The following NRG2 variants were observed in gnomAD, a reference collection of about 807,000 sequenced individuals.
NRG2 encodes neuregulin 2, also known as pro-neuregulin-2, membrane-bound isoform.
Under a neutral mutation model 73.9 loss-of-function variants are expected in NRG2, and 27 were observed. The ratio of observed to expected loss-of-function variants is 0.37; its 90% CI spans 0.27 to 0.50. The LOEUF is 0.50. Ranked by LOEUF, NRG2 falls within the 20% of genes least tolerant of loss-of-function variation. The pLI, the probability that NRG2 is intolerant of heterozygous loss-of-function variation, is 0.96. For synonymous variants in NRG2, 532 were observed against 541.0 expected, an observed-to-expected ratio of 0.98 and a Z score of 0.23; for missense variants, 1,126 against 1,210.1, an observed-to-expected ratio of 0.93 and a Z score of 1.03.
Position 139,880,944 on chromosome 5 carries a change from C to T in NRG2, c.903G>A (p.Val301=), listed in dbSNP as rs1355586676. ...CATACTCCCCAGCGTCCTCCACCTTCACCTTGTTGAACTGTAGTCGTGAGT... is the reference window on the plus strand; with the variant it reads ...CATACTCCCCAGCGTCCTCCACCTTTACCTTGTTGAACTGTAGTCGTGAGT... The part of the protein sequence containing the change: ...RKNSRLQFNK[V]KVEDAGEYVC... Residue 301 remains valine (V), a synonymous_variant, in exon 3 of 10, where the codon GTG becomes GTA. Coordinates refer to ENST00000361474, the MANE Select transcript of NRG2 (RefSeq NM_004883.3). The T allele has an allele frequency of 9.3e-6, 15 of 1,614,094 alleles. No individual in the cohort carries two copies. The highest frequency in any genetic ancestry group is 1.3e-5 in the Non-Finnish European group (15 of 1,180,022).
intron 2 of NRG2, among the ~76,000 whole-genome samples, chr5:139,886,446 G>A (rs1763878743): frequency 6.6e-6 from 1 of 152,212 alleles, no homozygotes; most frequent in African/African-American, 2.4e-5. Context: ...TGGTGGGGCG[G>A]TGAGGAGGAA....
chr5:140,030,942 C>G (rs1461269897), intron 1 of NRG2, among the ~76,000 whole-genome samples: 2 of 152,090 alleles, frequency 1.3e-5, no homozygotes, highest in Non-Finnish European at 1.5e-5. Context: ...AGAAAGGATT[C>G]CTTTTGAAAA....
rs913362511 is a variant in NRG2 at position 139,904,074 on chromosome 5, C to T, written c.701-16563G>A. On this transcript the variant is annotated intron_variant, in intron 1 of 9. Transcript: ENST00000361474. This position sits in a 1 kb window ranked among gnomAD's most constrained non-coding sequence, Gnocchi z 6.0. The stretch of plus-strand genomic sequence containing the variant: ...CCTCTTGCCCGCCCCTGCGTGGGGA[C>T]GCGGCCGCCCGGGGAGAGGCGCGCA... Among the ~76,000 whole-genome samples, 6 of 152,272 alleles carry T rather than the reference C, an allele frequency of 3.9e-5. No individual in the cohort carries two copies. Among genetic ancestry groups the T allele is most frequent in the Admixed American group, 2.0e-4 (3 of 15,308 alleles).
At chr5:140,009,702 C>T (rs1759200131) in intron 1 of NRG2, among the ~76,000 whole-genome samples, 1 of 152,114 alleles carries the variant, frequency 6.6e-6, no homozygotes, top group Non-Finnish European at 1.5e-5. Flanking sequence ...TTGGAAGTAA[C>T]CAAGATGTCC....
intron 1 of NRG2, among the ~76,000 whole-genome samples, chr5:139,960,298 T>C (rs1380024838): frequency 6.6e-6 from 1 of 152,306 alleles, no homozygotes; most frequent in East Asian, 1.9e-4. Flanking sequence ...GCAGGTCACC[T>C]GAGGTCGGGA....
intron 1 of NRG2, among the ~76,000 whole-genome samples, chr5:139,931,779 G>C (rs1342915585): frequency 7.9e-5 from 12 of 152,156 alleles, no homozygotes; most frequent in African/African-American, 2.9e-4. Context: ...GCTCAACTGA[G>C]GATTTAAGAT....
At chr5:139,882,880 C>T (rs976612930) in intron 2 of NRG2, among the ~76,000 whole-genome samples, 2 of 152,092 alleles carry the variant, frequency 1.3e-5, no homozygotes, top group African/African-American at 2.4e-5. Flanking sequence ...GCACAGGTCT[C>T]TAGGAGTGCC....
At position 139,881,742 on chromosome 5, in the gene NRG2, G is replaced by A. The variant is rs548024129; in HGVS notation, c.873-768C>T. On this transcript the variant is annotated intron_variant, in intron 2 of 9. Coordinates refer to ENST00000361474, the MANE Select transcript of NRG2 (RefSeq NM_004883.3). ...CAAAGGCAGAGGTATGCCAGGAGCT[G>A]CAGTTCATGAGGACGTGGGCTATCT... Among the ~76,000 whole-genome samples, 75 of 152,340 alleles carry A rather than the reference G, an allele frequency of 4.9e-4. 1 individual carries two copies. Among genetic ancestry groups the A allele is most frequent in the South Asian group, 1.2e-3 (6 of 4,824 alleles).
intron 1 of NRG2, among the ~76,000 whole-genome samples, chr5:139,936,589 A>C (rs1432345498): frequency 6.6e-6 from 1 of 152,160 alleles, no homozygotes; most frequent in Non-Finnish European, 1.5e-5. Context: ...AGAAAGAAGG[A>C]ATACCAAATT....
chr5:139,918,604 AC>A (rs1751442092), intron 1 of NRG2, among the ~76,000 whole-genome samples: 1 of 152,296 alleles, frequency 6.6e-6, no homozygotes, highest in South Asian at 2.1e-4. Context: ...AAGGTTCTTA[AC>A]ATCAGTCACT....
chr5:139,856,145 C>T lies in NRG2; in HGVS notation c.1190-367G>A, dbSNP rs1308417450. On this transcript the variant is annotated intron_variant, in intron 5 of 9. Transcript: ENST00000361474. This position sits in a 1 kb window ranked among gnomAD's most constrained non-coding sequence, Gnocchi z 4.2. Reference sequence around the variant, plus strand: ...GAGGACAGCTCAGTCTGGCCGGTGACCCTGCCCTGCTCCACAGTGGCCTGG... The same window carrying T: ...GAGGACAGCTCAGTCTGGCCGGTGATCCTGCCCTGCTCCACAGTGGCCTGG... The T allele has an allele frequency of 7.6e-6, 2 of 261,824 alleles. No individual in the cohort carries two copies. The highest frequency in any genetic ancestry group is 1.5e-5 in the Non-Finnish European group (2 of 131,672). The allele number at this position is 261,824 out of a possible 1,614,324, so 16.2% of individuals were successfully genotyped here. A position where few individuals can be genotyped will look rare whatever the true frequency, so the allele number is the denominator to read the frequency against.
At chr5:139,964,284 T>C (rs1345437972) in intron 1 of NRG2, among the ~76,000 whole-genome samples, 1 of 152,174 alleles carries the variant, frequency 6.6e-6, no homozygotes, top group African/African-American at 2.4e-5. Flanking sequence ...CTTGGGACTT[T>C]ATGTATCTCC....
chr5:139,927,084 C>T (rs1294692953), intron 1 of NRG2, among the ~76,000 whole-genome samples: 1 of 152,198 alleles, frequency 6.6e-6, no homozygotes, highest in Non-Finnish European at 1.5e-5. Flanking sequence ...CCACCCACCC[C>T]CAGGACTCCA....
At chr5:139,850,214 G>A (rs1561620622) in intron 9 of NRG2, among the ~76,000 whole-genome samples, 1 of 152,224 alleles carries the variant, frequency 6.6e-6, no homozygotes, top group Non-Finnish European at 1.5e-5. Context: ...AAAGAGCTCT[G>A]TGCACATGAT....
At chr5:140,005,139 T>G (rs1386465111) in intron 1 of NRG2, among the ~76,000 whole-genome samples, 1 of 152,066 alleles carries the variant, frequency 6.6e-6, no homozygotes, top group Non-Finnish European at 1.5e-5. Flanking sequence ...GTCTATTAGG[T>G]CTTGAACTCC....
chr5:139,880,115 G>A (rs1190237140), intron 3 of NRG2, among the ~76,000 whole-genome samples: 1 of 152,186 alleles, frequency 6.6e-6, no homozygotes, highest in African/African-American at 2.4e-5. Context: ...TGTGTGTTGG[G>A]GGGAGGAGAG....
chr5:139,873,697 C>G (rs1763002135), intron 3 of NRG2, among the ~76,000 whole-genome samples: 1 of 152,258 alleles, frequency 6.6e-6, no homozygotes, highest in Admixed American at 6.5e-5. Flanking sequence ...CCAGGCCCAG[C>G]CTGGTGTCCT....
At chr5:140,001,145 C>T (rs1047334630) in intron 1 of NRG2, among the ~76,000 whole-genome samples, 23 of 152,170 alleles carry the variant, frequency 1.5e-4, no homozygotes, top group Non-Finnish European at 2.9e-4. Context: ...GATCTCCCAT[C>T]GGTATCCATA....
intron 1 of NRG2, among the ~76,000 whole-genome samples, chr5:140,001,805 A>G (rs1758507104): frequency 6.6e-6 from 1 of 151,794 alleles, no homozygotes; most frequent in African/African-American, 2.4e-5. Context: ...TGAGGCTGCA[A>G]TGAGCTATGA....
Sources: gnomAD v4.1 joint callset for allele counts (sites outside exome capture counted in the v4.1 genomes callset) on GRCh38, gnomAD v4.1.1 for gene constraint, Gnocchi (gnomAD v3.1) non-coding constraint, MANE v1.5 for transcripts, NCBI Gene and HGNC (gene_info 2026-07-23, HGNC 2026-07-21) for gene names.